PPM1H: variants seen among roughly 807,000 people sequenced by gnomAD.
PPM1H encodes protein phosphatase 1H.
A neutral mutation model predicts 54.9 loss-of-function variants in PPM1H; 27 were observed. The ratio of observed to expected loss-of-function variants is 0.49; its 90% CI spans 0.36 to 0.68. The LOEUF (loss-of-function observed/expected upper bound fraction) is 0.68, where lower values mean the gene tolerates loss of function less well. PPM1H is among the 30% of genes least tolerant of loss of function. The pLI is 0.00. For synonymous variants in PPM1H, 305 were observed against 270.8 expected (o/e 1.13, Z -1.24); for missense variants, 596 against 667.8 (o/e 0.89, Z 1.19).
intron 1 of PPM1H, among the ~76,000 whole-genome samples, chr12:62,908,072 T>C (rs1036964045): frequency 1.8e-4 from 28 of 152,232 alleles, no homozygotes; most frequent in African/African-American, 5.5e-4. Context: ...AATCTCCTTA[T>C]TGACTTGTTT....
chr12:62,862,648 A>G (rs1869642368), intron 1 of PPM1H, among the ~76,000 whole-genome samples: 1 of 152,212 alleles, frequency 6.6e-6, no homozygotes, highest in African/African-American at 2.4e-5. Flanking sequence ...ACAGACATCT[A>G]TCTTCTCTGA....
chr12:62,743,292 G>C (rs2076392685), intron 4 of PPM1H, among the ~76,000 whole-genome samples: 1 of 152,146 alleles, frequency 6.6e-6, no homozygotes, highest in African/African-American at 2.4e-5. Context: ...AGGGGAGGTT[G>C]CAGTGAGCCG....
At chr12:62,794,244 A>G in intron 3 of PPM1H, among the ~76,000 whole-genome samples, 1 of 152,164 alleles carries the variant, frequency 6.6e-6, no homozygotes, top group East Asian at 1.9e-4. Flanking sequence ...AACAAAACCA[A>G]CTTAAATTTA....
chr12:62,854,688 C>A (rs919234736), intron 1 of PPM1H, among the ~76,000 whole-genome samples: 4 of 151,390 alleles, frequency 2.6e-5, no homozygotes, highest in African/African-American at 7.3e-5. Flanking sequence ...CATGAAATCA[C>A]GAGTATCACA....
intron 5 of PPM1H, among the ~76,000 whole-genome samples, 179 bp from the exon 6 acceptor site, chr12:62,720,468 A>G (rs1195700527): frequency 6.6e-6 from 1 of 152,252 alleles, no homozygotes. Flanking sequence ...GCACATAAAA[A>G]TGAATTTACA....
rs753665661 is a variant in PPM1H at position 62,919,584 on chromosome 12, AT to A, written c.245+14907del. 7.9e-5 allele frequency among the ~76,000 whole-genome samples: 12 copies of A among 152,158 alleles called. No homozygotes were observed. The South Asian group carries it at 1.5e-3, about 18-fold the overall frequency. ...TTAGGAGATATGATGTATCTGGTTA[AT>A]TTTTTTTAATAGAAGTAATTTAATG... On this transcript the variant is annotated intron_variant, in intron 1 of 9. Transcript: ENST00000228705.
chr12:62,868,796 C>T (rs1186627246), intron 1 of PPM1H, among the ~76,000 whole-genome samples: 1 of 152,214 alleles, frequency 6.6e-6, no homozygotes, highest in Non-Finnish European at 1.5e-5. Context: ...GCAAACACTA[C>T]GCACAGGGCT....
At chr12:62,884,500 T>TC (rs1870511652) in intron 1 of PPM1H, among the ~76,000 whole-genome samples, 2 of 17,218 alleles carry the variant, frequency 1.2e-4, no homozygotes, top group Admixed American at 7.0e-4. Context: ...AAACTCCATA[T>TC]CAAAAAAAAA....
chr12:62,835,686 ATTTAAATATTAAAT>A (rs1868482454), intron 1 of PPM1H, among the ~76,000 whole-genome samples: 2 of 152,086 alleles, frequency 1.3e-5, no homozygotes, highest in African/African-American at 4.8e-5. Context: ...TAAAATATTA[ATTTAAATATTAAAT>A]TTTAAATATC....
intron 5 of PPM1H, among the ~76,000 whole-genome samples, chr12:62,730,018 T>C (rs1336002188): frequency 6.6e-6 from 1 of 152,138 alleles, no homozygotes; most frequent in Non-Finnish European, 1.5e-5. Flanking sequence ...TTCTCCTGGC[T>C]CATCCTGGCT....
intron 2 of PPM1H, among the ~76,000 whole-genome samples, chr12:62,804,965 G>A (rs572153378): frequency 1.3e-5 from 2 of 152,144 alleles, no homozygotes; most frequent in East Asian, 1.9e-4. Context: ...CTGAGCCACC[G>A]CGCCCGGCCC....
At chr12:62,726,697 G>A (rs1214975719) in intron 5 of PPM1H, among the ~76,000 whole-genome samples, 1 of 152,192 alleles carries the variant, frequency 6.6e-6, no homozygotes, top group Non-Finnish European at 1.5e-5. Context: ...AAACAACTTG[G>A]TGATTTGGAA....
In PPM1H at chr12:62,813,311, G is replaced by A. The variant is rs545014035; in HGVS notation, c.412-11151C>T. On this transcript the variant is annotated intron_variant, in intron 2 of 9. Coordinates refer to ENST00000228705, the MANE Select transcript of PPM1H (RefSeq NM_020700.2). ...CTCTTTATCCCTCTTCCCCTGAGAC[G>A]AGTGCTCTCCACACGAAGCACATGA... Among the ~76,000 whole-genome samples the A allele has an allele frequency of 9.1e-4, 138 of 152,106 alleles. 2 individuals carry two copies. Among genetic ancestry groups the A allele is most frequent in the Non-Finnish European group, 1.3e-3 (86 of 68,038 alleles).
rs562219999 is a variant in PPM1H, at chr12:62,709,096, C to T, written c.1073+11075G>A. The stretch of plus-strand genomic sequence containing the variant: ...TTACCTAGTTTCATGGTTTGCTTCA[C>T]TGCCCACCACTGCTCTACACCCTCT... On this transcript the variant is annotated intron_variant, in intron 6 of 9. Transcript: ENST00000228705. Among the ~76,000 whole-genome samples, 7 of 151,274 alleles carry T rather than the reference C, an allele frequency of 4.6e-5. No individual in the cohort carries two copies. The South Asian group carries it at 8.4e-4, about 18-fold the overall frequency.
intron 4 of PPM1H, among the ~76,000 whole-genome samples, chr12:62,754,081 G>A (rs1445369852): frequency 1.3e-4 from 20 of 152,154 alleles, no homozygotes; most frequent in Admixed American, 1.2e-3. Context: ...TGACTTCAAT[G>A]GATTATATTT....
intron 1 of PPM1H, among the ~76,000 whole-genome samples, chr12:62,886,636 C>A (rs1188572354): frequency 6.6e-6 from 1 of 152,146 alleles, no homozygotes; most frequent in Non-Finnish European, 1.5e-5. Flanking sequence ...TTAACTAATT[C>A]ACAAAACTTC....
At position 62,727,436 on chromosome 12, in the gene PPM1H, G is replaced by C. The variant is rs927957632; in HGVS notation, c.955-7147C>G. Among the ~76,000 whole-genome samples the C allele has an allele frequency of 3.3e-5, 5 of 152,094 alleles. No homozygotes were observed. In the East Asian group the frequency reaches 9.7e-4, roughly 29 times the overall value. On this transcript the variant is annotated intron_variant, in intron 5 of 9. Coordinates refer to ENST00000228705, the MANE Select transcript of PPM1H (RefSeq NM_020700.2). Reference sequence around the variant, plus strand: ...TGTATAAAAACCATCTTGGACCCACGTAGTTTGGATTTAGTTAACTTCTTA... The same window carrying C: ...TGTATAAAAACCATCTTGGACCCACCTAGTTTGGATTTAGTTAACTTCTTA...
At chr12:62,875,666 G>A (rs1870141421) in intron 1 of PPM1H, among the ~76,000 whole-genome samples, 1 of 152,176 alleles carries the variant, frequency 6.6e-6, no homozygotes. Flanking sequence ...AGATAGAAAG[G>A]AAGAAATGAA....
intron 2 of PPM1H, among the ~76,000 whole-genome samples, chr12:62,824,499 T>C (rs1868267281): frequency 6.6e-6 from 1 of 152,142 alleles, no homozygotes; most frequent in African/African-American, 2.4e-5. Flanking sequence ...GACTTCAAAC[T>C]ATACTACAAG....
Sources: allele counts gnomAD v4.1 joint callset (sites outside exome capture counted in the v4.1 genomes callset), GRCh38; gene constraint gnomAD v4.1.1; transcripts MANE v1.5; gene names NCBI Gene and HGNC (gene_info 2026-07-23, HGNC 2026-07-21).